The following SV2B variants were observed in gnomAD, a reference collection of about 807,000 sequenced individuals.
SV2B encodes solute carrier family 22 member B2.
A neutral mutation model predicts 73.9 loss-of-function variants in SV2B; 41 were observed. That is an observed-to-expected ratio of 0.56 (90% confidence interval 0.43 to 0.72). SV2B has a LOEUF of 0.72. Ranked by LOEUF, SV2B falls within the 30% of genes least tolerant of loss-of-function variation. SV2B has a pLI of 0.00. For synonymous variants in SV2B, 314 were observed against 314.2 expected, an observed-to-expected ratio of 1.00 and a Z score of 0.01; for missense variants, 764 against 857.8, an observed-to-expected ratio of 0.89 and a Z score of 1.37.
chr15:91,109,497 G>T (rs1020751211), intron 1 of SV2B, among the ~76,000 whole-genome samples: 6 of 152,224 alleles, frequency 3.9e-5, no homozygotes, highest in African/African-American at 1.2e-4. Flanking sequence ...ACCTGCAAAT[G>T]AACACTGCTA....
chr15:91,243,780 C>T (rs1008696780), intron 2 of SV2B, among the ~76,000 whole-genome samples: 1 of 152,054 alleles, frequency 6.6e-6, no homozygotes, highest in African/African-American at 2.4e-5. Flanking sequence ...TCCTTAAATC[C>T]AATGCTGCTG....
At chr15:91,167,842 T>G (rs188541731) in intron 1 of SV2B, among the ~76,000 whole-genome samples, 134 of 152,370 alleles carry the variant, frequency 8.8e-4, no homozygotes, top group African/African-American at 3.1e-3. Context: ...TCTGTTAAAA[T>G]CCTATGAAGA....
intron 1 of SV2B, among the ~76,000 whole-genome samples, chr15:91,161,782 T>C (rs2043727620): frequency 6.6e-6 from 1 of 152,224 alleles, no homozygotes; most frequent in African/African-American, 2.4e-5. Flanking sequence ...ACAACAAGTG[T>C]GTTAATCTGG....
At position 91,104,029 on chromosome 15, in the gene SV2B, C is replaced by G. The variant is rs2041811197; in HGVS notation, c.-392+3666C>G. Among the ~76,000 whole-genome samples, 2 of 152,220 alleles carry G rather than the reference C, an allele frequency of 1.3e-5. 1 individual carries two copies. Among genetic ancestry groups the G allele is most frequent in the South Asian group, 4.1e-4 (2 of 4,822 alleles). ...ATCACAAGGAGAAGATCTCCTGAAG[C>G]ACATTATTCAGAGCAAAGCAGCTTA... On this transcript the variant is annotated intron_variant, in intron 1 of 12. Transcript: ENST00000394232.
At chr15:91,255,387 G>T (rs887583226) in intron 4 of SV2B, among the ~76,000 whole-genome samples, 1 of 152,086 alleles carries the variant, frequency 6.6e-6, no homozygotes, top group Non-Finnish European at 1.5e-5. Flanking sequence ...ACTAAACATC[G>T]TATGTTCTCA....
At position 91,258,923 on chromosome 15, in the gene SV2B, CA is replaced by C. The variant is rs3082222; in HGVS notation, c.918+388del. ...GCTACACAGGGAGACCTCATCTCTA[CA>C]AAAAAAAAAAAAAAAAAATTAGTTG... On this transcript the variant is annotated intron_variant, in intron 5 of 12. Coordinates refer to ENST00000394232, the MANE Select transcript of SV2B (RefSeq NM_001323032.3). The surrounding 1 kb of genome is among the most constrained non-coding windows in gnomAD (Gnocchi z 4.7). Among the ~76,000 whole-genome samples the C allele has an allele frequency of 0.14, 12,665 of 89,188 alleles. 643 individuals carry two copies. The highest frequency in any genetic ancestry group is 0.2 in the African/African-American group (5,575 of 27,648). The allele number at this position is 89,188 out of a possible 152,430, so 58.5% of individuals were successfully genotyped here.
chr15:91,158,390 A>G (rs891255099), intron 1 of SV2B, among the ~76,000 whole-genome samples: 1 of 152,036 alleles, frequency 6.6e-6, no homozygotes, highest in East Asian at 1.9e-4. Flanking sequence ...TGAATGAATG[A>G]ATGAGGCAAT....
chr15:91,180,139 T>C (rs1349467328), intron 1 of SV2B, among the ~76,000 whole-genome samples: 2 of 152,220 alleles, frequency 1.3e-5, no homozygotes, highest in African/African-American at 4.8e-5. Context: ...TTTTTGTTTC[T>C]CATTCACTTA....
At position 91,223,679 on chromosome 15, in the gene SV2B, G is replaced by A. The variant is rs976337254; in HGVS notation, c.-391-2194G>A. ...GTTTACATGTGACTTATATTCCGCCGGTGGTCCCTAAATAGATGTAATAAA... is the reference window on the plus strand; with the variant it reads ...GTTTACATGTGACTTATATTCCGCCAGTGGTCCCTAAATAGATGTAATAAA... On this transcript the variant is annotated intron_variant, in intron 1 of 12. Transcript: ENST00000394232. The surrounding 1 kb of genome is among the most constrained non-coding windows in gnomAD (Gnocchi z 4.6). Among the ~76,000 whole-genome samples, 7 of 152,270 alleles carry A rather than the reference G, an allele frequency of 4.6e-5. No homozygotes were observed. The highest frequency in any genetic ancestry group is 2.6e-4 in the Admixed American group (4 of 15,304).
At chr15:91,161,146 A>G (rs1249795560) in intron 1 of SV2B, among the ~76,000 whole-genome samples, 1 of 152,228 alleles carries the variant, frequency 6.6e-6, no homozygotes, top group Non-Finnish European at 1.5e-5. Context: ...GGGGCTGGAA[A>G]GACAGCAGAA....
At position 91,299,755 on chromosome 15, in the gene SV2B, C is replaced by T. The variant is rs2049378654; in HGVS notation, c.*7203C>T. ...CACCTCCCAGGTTCAAGCGATTCTC[C>T]CACCTCAGCCTCCCGAGTAGCTGGG... On this transcript the variant is annotated 3_prime_UTR_variant, in exon 13 of 13. Coordinates refer to ENST00000394232, the MANE Select transcript of SV2B (RefSeq NM_001323032.3). The T allele has an allele frequency of 6.6e-6, 1 of 152,210 alleles. No individual in the cohort carries two copies. The highest frequency in any genetic ancestry group is 1.5e-5 in the Non-Finnish European group (1 of 68,072). 9.4% of individuals were successfully genotyped at this position (152,210 alleles called of 1,614,324 possible).
rs1006171715 is a variant in SV2B at position 91,124,215 on chromosome 15, G to A, written c.-392+23852G>A. 6.6e-6 allele frequency among the ~76,000 whole-genome samples: 1 copy of A among 152,122 alleles called. No homozygotes were observed. The highest frequency in any genetic ancestry group is 1.5e-5 in the Non-Finnish European group (1 of 68,024). On this transcript the variant is annotated intron_variant, in intron 1 of 12. Coordinates refer to ENST00000394232, the MANE Select transcript of SV2B (RefSeq NM_001323032.3). The surrounding 1 kb of genome is among the most constrained non-coding windows in gnomAD (Gnocchi z 4.6). ...TTTAAATGAATGTTCCAGCCTCAGGGCCCATCTGTTCATGCTATTTATTCC... is the reference window on the plus strand; with the variant it reads ...TTTAAATGAATGTTCCAGCCTCAGGACCCATCTGTTCATGCTATTTATTCC...
At chr15:91,255,728 T>C (rs2047665483) in intron 4 of SV2B, among the ~76,000 whole-genome samples, 1 of 152,224 alleles carries the variant, frequency 6.6e-6, no homozygotes, top group Admixed American at 6.5e-5. Flanking sequence ...TAGAAGCCTC[T>C]TGGATGATCA....
rs2042934094 is a variant in SV2B at position 91,139,322 on chromosome 15, CT to C, written c.-392+38961del. On this transcript the variant is annotated intron_variant, in intron 1 of 12. Coordinates refer to ENST00000394232, the MANE Select transcript of SV2B (RefSeq NM_001323032.3). This position sits in a 1 kb window ranked among gnomAD's most constrained non-coding sequence, Gnocchi z 5.2. Reference sequence around the variant, plus strand: ...ATTATTCTCTCTACTTTTGAATGTGCTTGCAAATTTCCACAATAAAATGTTA... The same window carrying C: ...ATTATTCTCTCTACTTTTGAATGTGCTGCAAATTTCCACAATAAAATGTTA... Among the ~76,000 whole-genome samples, 1 of 151,754 alleles carries C rather than the reference CT, an allele frequency of 6.6e-6. No homozygotes were observed. Among genetic ancestry groups the C allele is most frequent in the South Asian group, 2.1e-4 (1 of 4,808 alleles).
At chr15:91,262,164 G>T (rs891476686) in intron 6 of SV2B, among the ~76,000 whole-genome samples, 1 of 152,064 alleles carries the variant, frequency 6.6e-6, no homozygotes, top group African/African-American at 2.4e-5. Flanking sequence ...CTTGGGCAAG[G>T]TACTCTCTGT....
At chr15:91,216,879 T>C (rs1431632414) in intron 1 of SV2B, among the ~76,000 whole-genome samples, 2 of 149,546 alleles carry the variant, frequency 1.3e-5, no homozygotes, top group Non-Finnish European at 3.0e-5. Context: ...AGGCACTGAA[T>C]AACTACCTTT....
chr15:91,195,419 C>T (rs1037492824), intron 1 of SV2B, among the ~76,000 whole-genome samples: 3 of 152,208 alleles, frequency 2.0e-5, no homozygotes, highest in Admixed American at 6.5e-5. Flanking sequence ...CTCAGCCTCC[C>T]AAAGTGCTGG....
rs1236272194 is a variant in SV2B at position 91,280,388 on chromosome 15, T to C, written c.1374-1340T>C. ...TGTAGTTGCCTATTTGCTTGCACTT[T>C]TTTCCAATTAGACTGGAGAGCAGGG... On this transcript the variant is annotated intron_variant, in intron 9 of 12. Transcript: ENST00000394232. This position sits in a 1 kb window ranked among gnomAD's most constrained non-coding sequence, Gnocchi z 5.8. 1.3e-5 allele frequency among the ~76,000 whole-genome samples: 2 copies of C among 152,214 alleles called. No homozygotes were observed. The highest frequency in any genetic ancestry group is 2.9e-5 in the Non-Finnish European group (2 of 68,040).
rs1221848546 is a variant in SV2B, at chr15:91,280,615, T to A, written c.1374-1113T>A. Reference sequence around the variant, plus strand: ...CAACAGAGGAAGATGGTAATGTATGTGAGATACATTTTTAAATGTTGCATT... The same window carrying A: ...CAACAGAGGAAGATGGTAATGTATGAGAGATACATTTTTAAATGTTGCATT... On this transcript the variant is annotated intron_variant, in intron 9 of 12. Transcript: ENST00000394232. The surrounding 1 kb of genome is among the most constrained non-coding windows in gnomAD (Gnocchi z 5.8). 2.6e-5 allele frequency among the ~76,000 whole-genome samples: 4 copies of A among 152,198 alleles called. No individual in the cohort carries two copies. The East Asian group carries it at 7.7e-4, about 29-fold the overall frequency.
Sources: allele counts gnomAD v4.1 joint callset (sites outside exome capture counted in the v4.1 genomes callset), GRCh38; gene constraint gnomAD v4.1.1; non-coding constraint Gnocchi (gnomAD v3.1); transcripts MANE v1.5; gene names NCBI Gene and HGNC (gene_info 2026-07-23, HGNC 2026-07-21).